DACH2: variants seen among roughly 807,000 people sequenced by gnomAD.
The protein encoded by DACH2 is dachshund homolog 2.
DACH2 carries 17 observed loss-of-function variants against 35.8 expected under a neutral mutation model. That is an observed-to-expected ratio of 0.48 (90% CI 0.33 to 0.71). The LOEUF (loss-of-function observed/expected upper bound fraction) is 0.71, where lower values mean the gene tolerates loss of function less well. Among genes scored for constraint, DACH2 ranks in the 30% least tolerant of loss-of-function variants. The pLI is 0.02. For synonymous variants in DACH2, 195 were observed against 177.3 expected (o/e 1.10, Z -0.79); for missense variants, 469 against 472.7 (o/e 0.99, Z 0.07).
Position 86,487,801 on chromosome X carries a change from A to G in DACH2, c.528-26478A>G, listed in dbSNP as rs962557376. 2.7e-5 allele frequency among the ~76,000 whole-genome samples: 3 copies of G among 112,032 alleles called. No homozygotes were observed. The East Asian group carries it at 8.3e-4, about 31-fold the overall frequency. On this transcript the variant is annotated intron_variant, in intron 2 of 11. Coordinates refer to ENST00000373125, the MANE Select transcript of DACH2 (RefSeq NM_053281.3). ...AAAAATAAATTTTGAACTTATTATA[A>G]AAGTCCAAAAATATTTCTCCACGAA...
chrX:86,580,491 CA>C (rs1387119950), intron 3 of DACH2, among the ~76,000 whole-genome samples: 1 of 111,136 alleles, frequency 9.0e-6, no homozygotes. Flanking sequence ...TAAATAATAA[CA>C]AAAAATAACA....
At chrX:86,174,582 A>T (rs769248160) in intron 1 of DACH2, among the ~76,000 whole-genome samples, 1 of 112,430 alleles carries the variant, frequency 8.9e-6, no homozygotes, top group East Asian at 2.8e-4. Context: ...AACTTCTGTG[A>T]TGAGGTGTGA....
intron 7 of DACH2, among the ~76,000 whole-genome samples, chrX:86,806,931 G>A (rs982012063): frequency 1.9e-4 from 21 of 111,590 alleles, no homozygotes; most frequent in African/African-American, 6.8e-4. Flanking sequence ...GGGGTGAAGG[G>A]CTTTCTTTCC....
rs777202276 is a variant in DACH2 at position 86,479,544 on chromosome X, C to T, written c.528-34735C>T. On this transcript the variant is annotated intron_variant, in intron 2 of 11. Coordinates refer to ENST00000373125, the MANE Select transcript of DACH2 (RefSeq NM_053281.3). ...TCTTGGTTTGGGAAGTTGTCTTTAT[C>T]CCTTTAAATAAATTTTCTTTCCTTA... Among the ~76,000 whole-genome samples the T allele has an allele frequency of 3.6e-5, 4 of 111,899 alleles. No individual in the cohort carries two copies. In the South Asian group the frequency reaches 1.5e-3, roughly 42 times the overall value.
chrX:86,767,260 T>A (rs1403974481), intron 7 of DACH2, among the ~76,000 whole-genome samples: 1 of 112,010 alleles, frequency 8.9e-6, no homozygotes, highest in Non-Finnish European at 1.9e-5. Context: ...GGGGATTAAC[T>A]CGTTGGCTAG....
At chrX:86,286,580 G>C (rs1230481390) in intron 1 of DACH2, among the ~76,000 whole-genome samples, 1 of 111,017 alleles carries the variant, frequency 9.0e-6, no homozygotes, top group Non-Finnish European at 1.9e-5. Flanking sequence ...TTCCTCTGGT[G>C]ATACTGTTTA....
intron 2 of DACH2, among the ~76,000 whole-genome samples, 191 bp from the exon 3 acceptor site, chrX:86,514,088 A>G (rs1461148646): frequency 2.7e-5 from 3 of 112,018 alleles, no homozygotes; most frequent in East Asian, 2.8e-4. Flanking sequence ...AATGTTTGCC[A>G]TAACAATGGT....
chrX:86,525,933 C>A (rs952500873), intron 3 of DACH2, among the ~76,000 whole-genome samples: 5 of 112,010 alleles, frequency 4.5e-5, no homozygotes, highest in Admixed American at 9.5e-5. Flanking sequence ...ATAAAATACA[C>A]AAGTTTTCAC....
intron 7 of DACH2, among the ~76,000 whole-genome samples, chrX:86,775,131 A>G (rs1490091457): frequency 8.9e-6 from 1 of 112,048 alleles, no homozygotes; most frequent in Admixed American, 9.5e-5. Flanking sequence ...AGTAAAGGCA[A>G]TTGATGCTTT....
At chrX:86,541,678 A>G (rs2038884064) in intron 3 of DACH2, among the ~76,000 whole-genome samples, 1 of 111,733 alleles carries the variant, frequency 8.9e-6, no homozygotes, top group Non-Finnish European at 1.9e-5. Flanking sequence ...TTTAGGAGGA[A>G]AAAAGTAGAT....
chrX:86,376,089 G>A (rs767112689), intron 1 of DACH2, among the ~76,000 whole-genome samples: 1 of 108,313 alleles, frequency 9.2e-6, no homozygotes, highest in Non-Finnish European at 1.9e-5. Context: ...TTTTAAAATG[G>A]ATCTCTTTTG....
At chrX:86,179,695 G>A (rs1281414083) in intron 1 of DACH2, among the ~76,000 whole-genome samples, 3 of 110,997 alleles carry the variant, frequency 2.7e-5, no homozygotes, top group Non-Finnish European at 5.7e-5. Context: ...CTCAAGGAAA[G>A]TAGGATATTT....
At chrX:86,184,545 G>A (rs2031625589) in intron 1 of DACH2, among the ~76,000 whole-genome samples, 2 of 111,326 alleles carry the variant, frequency 1.8e-5, no homozygotes, top group South Asian at 7.6e-4. Context: ...GGGAATAGTA[G>A]TAATCAATTT....
chrX:86,520,741 C>T (rs1174037694), intron 3 of DACH2, among the ~76,000 whole-genome samples: 1 of 110,889 alleles, frequency 9.0e-6, no homozygotes, highest in Non-Finnish European at 1.9e-5. Flanking sequence ...TTCTGTTTTC[C>T]ATTTGCTTGG....
intron 4 of DACH2, among the ~76,000 whole-genome samples, chrX:86,658,208 G>A (rs2040564987): frequency 9.0e-6 from 1 of 111,463 alleles, no homozygotes; most frequent in Admixed American, 9.6e-5. Flanking sequence ...GACACATCCT[G>A]AAATAAGCGG....
At chrX:86,506,171 C>T (rs184498355) in intron 2 of DACH2, among the ~76,000 whole-genome samples, 259 of 111,169 alleles carry the variant, frequency 2.3e-3, no homozygotes, top group East Asian at 6.6e-3. Context: ...CCAGGCTGGG[C>T]TCATATTGGA....
intron 1 of DACH2, among the ~76,000 whole-genome samples, chrX:86,234,264 T>C (rs950313868): frequency 1.4e-4 from 16 of 111,844 alleles, no homozygotes; most frequent in Admixed American, 1.3e-3. Flanking sequence ...GAAGACTAAA[T>C]ATAATTTGAT....
intron 2 of DACH2, among the ~76,000 whole-genome samples, chrX:86,401,424 C>T (rs898615505): frequency 2.1e-4 from 23 of 112,050 alleles, no homozygotes; most frequent in South Asian, 3.7e-4. Context: ...GAGATGAACC[C>T]GGTACCTCAG....
intron 2 of DACH2, among the ~76,000 whole-genome samples, chrX:86,397,747 G>C: frequency 8.9e-6 from 1 of 111,771 alleles, no homozygotes; most frequent in African/African-American, 3.3e-5. Context: ...AAGCCCACTT[G>C]ATCATGGTGA....
Sources: gnomAD v4.1 joint callset for allele counts (sites outside exome capture counted in the v4.1 genomes callset) on GRCh38, gnomAD v4.1.1 for gene constraint, MANE v1.5 for transcripts, NCBI Gene and HGNC (gene_info 2026-07-23, HGNC 2026-07-21) for gene names.